Variants in EFR3B observed in about 807,000 individuals in gnomAD.
EFR3B encodes protein EFR3 homolog B.
EFR3B carries 64 observed loss-of-function variants against 104.7 expected under a neutral mutation model. The observed-to-expected ratio is 0.61, with a 90% CI of 0.50 to 0.75. EFR3B has a LOEUF of 0.75. Among genes scored for constraint, EFR3B ranks in the 30% least tolerant of loss-of-function variants. The probability of loss-of-function intolerance (pLI) is 0.00; values close to 1 mark genes in which losing one functional copy is unlikely to be tolerated. For synonymous variants in EFR3B, 385 were observed against 417.9 expected, an observed-to-expected ratio of 0.92 and a Z score of 0.96; for missense variants, 750 against 1,078.5, an observed-to-expected ratio of 0.70 and a Z score of 4.27.
chr2:25,062,541 G>C (rs1013958264), intron 1 of EFR3B, among the ~76,000 whole-genome samples: 1 of 152,232 alleles, frequency 6.6e-6, no homozygotes, highest in African/African-American at 2.4e-5. Context: ...CTAGGAGACG[G>C]ACGGTCAAGG....
At chr2:25,081,113 C>T (rs1668790982) in intron 1 of EFR3B, 1 of 692,580 alleles carries the variant, frequency 1.4e-6, no homozygotes. Flanking sequence ...AGTCTTCTCC[C>T]CTAGGGTATT....
At chr2:25,051,640 T>G (rs1371039919) in intron 1 of EFR3B, among the ~76,000 whole-genome samples, 67 of 149,940 alleles carry the variant, frequency 4.5e-4, no homozygotes, top group Non-Finnish European at 7.7e-4. Flanking sequence ...TGTGTGTGTT[T>G]TTTTTTTTTT....
At position 25,042,344 on chromosome 2, in the gene EFR3B, C is replaced by T; in HGVS notation, c.7+25C>T. On this transcript the variant is annotated intron_variant, in intron 1 of 22. Transcript: ENST00000403714. This position sits in a 1 kb window ranked among gnomAD's most constrained non-coding sequence, Gnocchi z 5.4. The stretch of plus-strand genomic sequence containing the variant: ...GGTAAGGAGGGCTCCGCGCCCGGGC[C>T]CGGGCCCGCGGGGGCGACTCCGCAA... 7.9e-7 allele frequency: 1 copy of T among 1,259,036 alleles called. No homozygotes were observed. Among genetic ancestry groups the T allele is most frequent in the Non-Finnish European group, 1.0e-6 (1 of 1,000,740 alleles). 78.0% of individuals were successfully genotyped at this position (1,259,036 alleles called of 1,614,324 possible). A position where few individuals can be genotyped will look rare whatever the true frequency, so the allele number is the denominator to read the frequency against.
At chr2:25,105,069 C>T (rs891070831) in intron 4 of EFR3B, among the ~76,000 whole-genome samples, 2 of 152,178 alleles carry the variant, frequency 1.3e-5, no homozygotes, top group Admixed American at 1.3e-4. Context: ...TTTTACAGAT[C>T]TTAAGTGAAG....
intron 19 of EFR3B, among the ~76,000 whole-genome samples, chr2:25,149,121 C>G (rs143402870): frequency 6.6e-6 from 1 of 151,804 alleles, no homozygotes; most frequent in Non-Finnish European, 1.5e-5. Context: ...GAGGCCGAGG[C>G]GGGCAGATCA....
In EFR3B at chr2:25,055,930, G is replaced by T. The variant is rs1304833305; in HGVS notation, c.7+13611G>T. 2.0e-5 allele frequency among the ~76,000 whole-genome samples: 3 copies of T among 152,206 alleles called. No individual in the cohort carries two copies. The East Asian group carries it at 5.8e-4, about 29-fold the overall frequency. ...ACAACAGATCTGTGAACCTCTTGAG[G>T]ACACTATCTTAATCAGCTTTGTTTT... On this transcript the variant is annotated intron_variant, in intron 1 of 22. Transcript: ENST00000403714.
intron 1 of EFR3B, among the ~76,000 whole-genome samples, chr2:25,089,331 C>T (rs567537820): frequency 6.6e-6 from 1 of 152,306 alleles, no homozygotes; most frequent in East Asian, 1.9e-4. Context: ...AGCCTGGGTT[C>T]TAGCAGCTGT....
intron 4 of EFR3B, among the ~76,000 whole-genome samples, chr2:25,117,701 C>T (rs949124150): frequency 2.2e-4 from 34 of 151,916 alleles, no homozygotes; most frequent in African/African-American, 6.0e-4. Context: ...CATGAGCCAC[C>T]GTGCCCGGCT....
chr2:25,150,272 C>G (rs1454426325), intron 20 of EFR3B, among the ~76,000 whole-genome samples: 1 of 148,562 alleles, frequency 6.7e-6, no homozygotes, highest in African/African-American at 2.5e-5. Context: ...TGCACTCCAG[C>G]CTGGGTGACA....
chr2:25,118,726 CA>C (rs869026900), intron 4 of EFR3B, among the ~76,000 whole-genome samples: 2,880 of 31,898 alleles, frequency 0.09, 4 homozygotes, highest in Admixed American at 0.18. Flanking sequence ...CCTGTCTCTA[CA>C]AAAAAAAAAA....
At chr2:25,123,771 G>GGGC (rs1445356181) in intron 5 of EFR3B, among the ~76,000 whole-genome samples, 9 of 152,242 alleles carry the variant, frequency 5.9e-5, no homozygotes, top group Admixed American at 5.9e-4. Flanking sequence ...GGGAGTGGAT[G>GGGC]GGCCACTCAT....
In EFR3B at chr2:25,137,251, C is replaced by G; in HGVS notation, c.1561-90C>G. Reference sequence around the variant, plus strand: ...AGGAGGGGGCACACAGCCATCCTGCCCCCCTTCAGATTGGTCTTCCTCCGT... The same window carrying G: ...AGGAGGGGGCACACAGCCATCCTGCGCCCCTTCAGATTGGTCTTCCTCCGT... On this transcript the variant is annotated intron_variant, in intron 14 of 22. Coordinates refer to ENST00000403714, the MANE Select transcript of EFR3B (RefSeq NM_014971.2). The surrounding 1 kb of genome is among the most constrained non-coding windows in gnomAD (Gnocchi z 4.7). 7.0e-7 allele frequency: 1 copy of G among 1,437,238 alleles called. No individual in the cohort carries two copies. Among genetic ancestry groups the G allele is most frequent in the Non-Finnish European group, 9.4e-7 (1 of 1,060,814 alleles). 89.0% of individuals were successfully genotyped at this position (1,437,238 alleles called of 1,614,324 possible).
At chr2:25,153,240 G>A (rs1040661669) in intron 21 of EFR3B, among the ~76,000 whole-genome samples, 1 of 152,110 alleles carries the variant, frequency 6.6e-6, no homozygotes, top group African/African-American at 2.4e-5. Context: ...TGTAATCCCA[G>A]CTACTCAGGA....
intron 1 of EFR3B, chr2:25,080,523 G>C (rs992697727): frequency 1.7e-5 from 8 of 481,962 alleles, no homozygotes; most frequent in Admixed American, 7.5e-5. Flanking sequence ...TTGACCTCCT[G>C]ACCTCAGGTA....
intron 1 of EFR3B, among the ~76,000 whole-genome samples, chr2:25,087,112 G>T (rs1158064158): frequency 5.9e-5 from 9 of 152,122 alleles, no homozygotes; most frequent in Non-Finnish European, 1.2e-4. Flanking sequence ...GCGAGGAGAA[G>T]TGCAGAGTGA....
intron 3 of EFR3B, among the ~76,000 whole-genome samples, chr2:25,094,532 G>A (rs1022895827): frequency 5.3e-5 from 8 of 152,044 alleles, no homozygotes; most frequent in African/African-American, 1.9e-4. Context: ...GTGATCAAAG[G>A]TGCATACTGA....
intron 1 of EFR3B, among the ~76,000 whole-genome samples, chr2:25,048,359 A>T (rs1667777804): frequency 6.6e-6 from 1 of 152,208 alleles, no homozygotes; most frequent in Non-Finnish European, 1.5e-5. Context: ...TAGCACTAGA[A>T]TATAAGCATG....
At chr2:25,121,142 T>C (rs1469689059) in intron 4 of EFR3B, among the ~76,000 whole-genome samples, 1 of 152,164 alleles carries the variant, frequency 6.6e-6, no homozygotes, top group Non-Finnish European at 1.5e-5. Context: ...CCTCAAATGA[T>C]CCACCTGCCT....
intron 3 of EFR3B, among the ~76,000 whole-genome samples, chr2:25,099,131 C>T (rs1385434804): frequency 6.6e-6 from 1 of 152,138 alleles, no homozygotes; most frequent in East Asian, 1.9e-4. Flanking sequence ...CTGAAGGTGT[C>T]CAGGTCTCTC....
Sources: allele counts gnomAD v4.1 joint callset (sites outside exome capture counted in the v4.1 genomes callset), GRCh38; gene constraint gnomAD v4.1.1; non-coding constraint Gnocchi (gnomAD v3.1); transcripts MANE v1.5; gene names NCBI Gene and HGNC (gene_info 2026-07-23, HGNC 2026-07-21).